ATP11A: variants seen among roughly 807,000 people sequenced by gnomAD.
ATP11A encodes phospholipid-transporting ATPase IH.
ATP11A carries 81 observed loss-of-function variants against 154.4 expected under a neutral mutation model. That is an observed-to-expected ratio of 0.52 (90% confidence interval 0.44 to 0.63). The LOEUF is 0.63. Among genes scored for constraint, ATP11A ranks in the 30% least tolerant of loss-of-function variants. ATP11A has a pLI of 0.00. For synonymous variants in ATP11A, 623 were observed against 585.9 expected (o/e 1.06, Z -0.91); for missense variants, 1,316 against 1,474.3 (o/e 0.89, Z 1.76).
rs547193645 is a variant in ATP11A at position 112,863,034 on chromosome 13, G to A, written c.2991+459G>A. On this transcript the variant is annotated intron_variant, in intron 25 of 29. Coordinates refer to ENST00000375645, the MANE Select transcript of ATP11A (RefSeq NM_015205.3). The stretch of plus-strand genomic sequence containing the variant: ...AGCGGGGTCCATCACCACCTGTGCA[G>A]TAGTTCAGTGCGGCCCATGCAGCTT... Among the ~76,000 whole-genome samples, 69 of 147,690 alleles carry A rather than the reference G, an allele frequency of 4.7e-4. 4 individuals are homozygous for A. Among genetic ancestry groups the A allele is most frequent in the African/African-American group, 1.7e-3 (66 of 38,822 alleles).
At chr13:112,743,604 G>T (rs1891787696) in intron 1 of ATP11A, among the ~76,000 whole-genome samples, 1 of 152,042 alleles carries the variant, frequency 6.6e-6, no homozygotes, top group African/African-American at 2.4e-5. Flanking sequence ...AGGTGTTGTA[G>T]GTTCCTGCTA....
chr13:112,785,953 A>G lies in ATP11A; in HGVS notation c.162+696A>G. ...ACGTGCCTGCGTTCAGACTCCATTT[A>G]TCTTCACCGTCCTTCAAAATGGATG... On this transcript the variant is annotated intron_variant, in intron 2 of 29. Transcript: ENST00000375645. The surrounding 1 kb of genome is among the most constrained non-coding windows in gnomAD (Gnocchi z 4.8). Among the ~76,000 whole-genome samples the G allele has an allele frequency of 6.6e-6, 1 of 150,540 alleles. No individual in the cohort carries two copies. The highest frequency in any genetic ancestry group is 1.5e-5 in the Non-Finnish European group (1 of 67,644).
In ATP11A at chr13:112,724,185, C is replaced by T. The variant is rs562302811; in HGVS notation, c.39+33730C>T. On this transcript the variant is annotated intron_variant, in intron 1 of 29. Transcript: ENST00000375645. The stretch of plus-strand genomic sequence containing the variant: ...CCCCCTTCTCCCCCATCGCCCTCTT[C>T]GCCCCCATCGGCACCATCGCCCCAT... Among the ~76,000 whole-genome samples the T allele has an allele frequency of 2.6e-3, 370 of 140,246 alleles. 1 individual carries two copies. Among genetic ancestry groups the T allele is most frequent in the African/African-American group, 8.8e-3 (337 of 38,150 alleles). The allele number at this position is 140,246 out of a possible 152,430, so 92.0% of individuals were successfully genotyped here. A position where few individuals can be genotyped will look rare whatever the true frequency, so the allele number is the denominator to read the frequency against.
chr13:112,816,295 T>C (rs2078644632), intron 6 of ATP11A, 84 bp downstream of exon 6: 1 of 1,567,270 alleles, frequency 6.4e-7, no homozygotes, highest in Non-Finnish European at 8.7e-7. Flanking sequence ...GAAACTAACA[T>C]CCTGTTTGAA....
chr13:112,765,248 C>G (rs1489239110), intron 1 of ATP11A, among the ~76,000 whole-genome samples: 4 of 151,612 alleles, frequency 2.6e-5, no homozygotes, highest in African/African-American at 9.7e-5. Flanking sequence ...CAGGGGTGGC[C>G]CGGGCAGTTC....
chr13:112,690,200 G>T lies in ATP11A; in HGVS notation c.-217G>T, dbSNP rs967277142. 6.3e-6 allele frequency: 1 copy of T among 158,254 alleles called. No homozygotes were observed. The highest frequency in any genetic ancestry group is 1.3e-5 in the Non-Finnish European group (1 of 74,800). The allele number at this position is 158,254 out of a possible 1,614,324, so 9.8% of individuals were successfully genotyped here. A position where few individuals can be genotyped will look rare whatever the true frequency, so the allele number is the denominator to read the frequency against. On this transcript the variant is annotated 5_prime_UTR_variant, in exon 1 of 30. Coordinates refer to ENST00000375645, the MANE Select transcript of ATP11A (RefSeq NM_015205.3). This position sits in a 1 kb window ranked among gnomAD's most constrained non-coding sequence, Gnocchi z 5.6. ...GCCCCGAGCAGCAGCCTTGCCGCCA[G>T]TGGAGCAGCTGCCGACGCGCGGGGC... is the stretch of plus-strand genomic sequence containing the variant.
chr13:112,832,080 C>A lies in ATP11A; in HGVS notation c.1395+532C>A, dbSNP rs563154469. Among the ~76,000 whole-genome samples the A allele has an allele frequency of 2.9e-4, 44 of 152,250 alleles. 2 individuals are homozygous for A. The highest frequency in any genetic ancestry group is 2.5e-3 in the Admixed American group (38 of 15,300). On this transcript the variant is annotated intron_variant, in intron 13 of 29. Transcript: ENST00000375645. Reference sequence around the variant, plus strand: ...GCACACATGCTCACATGCAGACACACACGTACTCTCACACACGCCCAGTTA... The same window carrying A: ...GCACACATGCTCACATGCAGACACAAACGTACTCTCACACACGCCCAGTTA...
chr13:112,747,025 G>C (rs187132030), intron 1 of ATP11A: 32 of 151,420 alleles, frequency 2.1e-4, no homozygotes, highest in Admixed American at 2.0e-3. Flanking sequence ...TGGTACTGAC[G>C]TGTGGCCGGG....
At chr13:112,850,247 C>CA (rs927837531) in intron 17 of ATP11A, among the ~76,000 whole-genome samples, 11 of 152,180 alleles carry the variant, frequency 7.2e-5, no homozygotes, top group Admixed American at 3.9e-4. Flanking sequence ...GATTATGGTT[C>CA]TTTTACTATT....
At position 112,886,318 on chromosome 13, in the gene ATP11A, G is replaced by C. The variant is rs577304026; in HGVS notation, c.*4452G>C. The C allele has an allele frequency of 6.6e-6, 1 of 152,190 alleles. No individual in the cohort carries two copies. Among genetic ancestry groups the C allele is most frequent in the Admixed American group, 6.5e-5 (1 of 15,274 alleles). The allele number at this position is 152,190 out of a possible 1,614,324, so 9.4% of individuals were successfully genotyped here. A position where few individuals can be genotyped will look rare whatever the true frequency, so the allele number is the denominator to read the frequency against. On this transcript the variant is annotated 3_prime_UTR_variant, in exon 30 of 30. Coordinates refer to ENST00000375645, the MANE Select transcript of ATP11A (RefSeq NM_015205.3). ...TTGGCCAGGGGTCCGGTGCTGTCGC[G>C]GGAAACCTCCAGCCTTGTTCTTCAA...
At chr13:112,832,795 C>T in intron 13 of ATP11A, 65 bp from the exon 14 acceptor site, 2 of 1,565,418 alleles carry the variant, frequency 1.3e-6, no homozygotes, top group Non-Finnish European at 1.7e-6. Flanking sequence ...CTCTCTGCGC[C>T]TGTTTCCCTC....
chr13:112,788,643 T>C (rs1307921857), intron 2 of ATP11A, among the ~76,000 whole-genome samples: 12 of 146,196 alleles, frequency 8.2e-5, no homozygotes, highest in African/African-American at 3.1e-4. Flanking sequence ...ACATGTAGAC[T>C]CCTGTGGAGA....
At chr13:112,745,201 A>T (rs1891991269) in intron 1 of ATP11A, among the ~76,000 whole-genome samples, 1 of 152,182 alleles carries the variant, frequency 6.6e-6, no homozygotes, top group Non-Finnish European at 1.5e-5. Flanking sequence ...AGTAGCTGAG[A>T]CTACAGGCGC....
chr13:112,710,041 G>T (rs1267178106), intron 1 of ATP11A, among the ~76,000 whole-genome samples: 1 of 152,190 alleles, frequency 6.6e-6, no homozygotes, highest in Non-Finnish European at 1.5e-5. Flanking sequence ...CTGCCCTGGA[G>T]CTGGGCATCA....
At chr13:112,732,065 G>A (rs1394278900) in intron 1 of ATP11A, among the ~76,000 whole-genome samples, 3 of 152,148 alleles carry the variant, frequency 2.0e-5, no homozygotes, top group African/African-American at 7.2e-5. Flanking sequence ...TGTGCAGTGA[G>A]TAAAAGGCTC....
At chr13:112,878,413 C>T (rs2080794122) in intron 29 of ATP11A, 110 bp downstream of exon 29, 2 of 1,196,500 alleles carry the variant, frequency 1.7e-6, no homozygotes, top group Non-Finnish European at 1.2e-6. Context: ...GTCCACCAGG[C>T]GCTGGGTACA....
chr13:112,842,322 C>G lies in ATP11A; in HGVS notation c.1752C>G (p.Pro584=), dbSNP rs747850981. The G allele has an allele frequency of 1.9e-6, 3 of 1,611,956 alleles. No individual in the cohort carries two copies. The highest frequency in any genetic ancestry group is 2.5e-6 in the Non-Finnish European group (3 of 1,179,086). ...AAGGAGCAGATTCTTCGATATTCCC[C>G]CGAGTGATAGAAGGCAAAGTTGACC... The part of the protein sequence containing the change: ...FCKGADSSIF[P]RVIEGKVDQI... The change falls in exon 17 of 30, where the codon CCC becomes CCG. Residue 584 remains proline (P), a synonymous_variant. Coordinates refer to ENST00000375645, the MANE Select transcript of ATP11A (RefSeq NM_015205.3).
chr13:112,742,419 G>A (rs1184329974), intron 1 of ATP11A, among the ~76,000 whole-genome samples: 1 of 151,504 alleles, frequency 6.6e-6, no homozygotes, highest in Non-Finnish European at 1.5e-5. Flanking sequence ...GTGGGAGACT[G>A]GGGTGTGAGC....
intron 17 of ATP11A, among the ~76,000 whole-genome samples, chr13:112,846,547 C>T (rs1594162360): frequency 1.3e-5 from 2 of 152,198 alleles, no homozygotes; most frequent in African/African-American, 2.4e-5. Flanking sequence ...AAATCCTCCT[C>T]GCTAACGGAT....
Sources: gnomAD v4.1 joint callset for allele counts (sites outside exome capture counted in the v4.1 genomes callset) on GRCh38, gnomAD v4.1.1 for gene constraint, Gnocchi (gnomAD v3.1) non-coding constraint, MANE v1.5 for transcripts, NCBI Gene and HGNC (gene_info 2026-07-23, HGNC 2026-07-21) for gene names.